The following DMD variants were observed in gnomAD, a reference collection of about 807,000 sequenced individuals.
The protein encoded by DMD is mutant dystrophin.
A neutral mutation model predicts 330.1 loss-of-function variants in DMD; 63 were observed. The ratio of observed to expected loss-of-function variants is 0.19; its 90% CI spans 0.16 to 0.24. The LOEUF (loss-of-function observed/expected upper bound fraction) is 0.24, where lower values mean the gene tolerates loss of function less well. Among genes scored for constraint, DMD ranks in the 10% least tolerant of loss-of-function variants. DMD has a pLI of 1.00. For missense variants in DMD, 3,344 were observed against 2,684.1 expected (o/e 1.25, Z -5.43); for synonymous variants, 1,223 against 959.8 (o/e 1.27, Z -5.07).
At chrX:32,485,489 A>G (rs931995395) in intron 20 of DMD, among the ~76,000 whole-genome samples, 1 of 110,605 alleles carries the variant, frequency 9.0e-6, no homozygotes, top group Non-Finnish European at 1.9e-5. Context: ...AAGCTCACTC[A>G]ATGAACAATA....
chrX:32,041,722 CATT>C (rs989134930), intron 44 of DMD, among the ~76,000 whole-genome samples: 2 of 110,265 alleles, frequency 1.8e-5, no homozygotes, highest in Non-Finnish European at 3.8e-5. Flanking sequence ...CTACATTCAT[CATT>C]GTCTCACTAT....
intron 54 of DMD, among the ~76,000 whole-genome samples, chrX:31,653,181 T>C (rs758810409): frequency 2.1e-4 from 23 of 111,285 alleles, no homozygotes; most frequent in Middle Eastern, 4.6e-3. Flanking sequence ...AAGAGTGACT[T>C]ACAAGTGCCT....
Position 33,050,279 on chromosome X carries a change from G to A in DMD, c.32-30079C>T, listed in dbSNP as rs746124894. Among the ~76,000 whole-genome samples, 17 of 111,635 alleles carry A rather than the reference G, an allele frequency of 1.5e-4. No individual in the cohort carries two copies. In the South Asian group the frequency reaches 6.3e-3, roughly 42 times the overall value. On this transcript the variant is annotated intron_variant, in intron 1 of 78. Transcript: ENST00000357033. ...AATAATAAGTTCTCTATGCTGCCTT[G>A]CTTTGATAGAATATTCAGACAACAT... is the stretch of plus-strand genomic sequence containing the variant.
intron 28 of DMD, 53 bp downstream of exon 28, chrX:32,441,127 C>T: frequency 1.7e-6 from 2 of 1,159,366 alleles, no homozygotes; most frequent in South Asian, 1.8e-5. Context: ...GGTACTTGAC[C>T]TCTTTTAATA....
chrX:32,231,454 A>G (rs896825192), intron 43 of DMD, among the ~76,000 whole-genome samples: 2 of 111,907 alleles, frequency 1.8e-5, no homozygotes, highest in Non-Finnish European at 3.8e-5. Flanking sequence ...ACCACTTGAG[A>G]TCAGCTTACG....
At chrX:32,127,162 G>C (rs2096665466) in intron 44 of DMD, among the ~76,000 whole-genome samples, 1 of 111,492 alleles carries the variant, frequency 9.0e-6, no homozygotes, top group Admixed American at 9.6e-5. Flanking sequence ...ATGTCCCTAG[G>C]ATGACCCTAG....
chrX:31,731,830 T>C (rs1427229475), intron 51 of DMD, among the ~76,000 whole-genome samples: 1 of 111,791 alleles, frequency 8.9e-6, no homozygotes, highest in Admixed American at 9.6e-5. Context: ...GCTATACTTT[T>C]TTCCTTCTTT....
chrX:32,887,391 A>G (rs1314894483), intron 2 of DMD, among the ~76,000 whole-genome samples: 1 of 110,286 alleles, frequency 9.1e-6, no homozygotes, highest in East Asian at 2.9e-4. Context: ...CTTATCTGTT[A>G]TATACAAGAA....
At chrX:32,583,653 C>T (rs781347437) in intron 13 of DMD, 3 of 111,396 alleles carry the variant, frequency 2.7e-5, no homozygotes, top group Non-Finnish European at 5.7e-5. Context: ...CTAATATTTT[C>T]GTCAAAGATG....
At chrX:31,213,560 A>G (rs757469748) in intron 64 of DMD, among the ~76,000 whole-genome samples, 55 of 112,144 alleles carry the variant, frequency 4.9e-4, no homozygotes, top group African/African-American at 1.8e-3. Flanking sequence ...TCTTGCAGAC[A>G]GAGGGCAATT....
chrX:31,262,212 G>A (rs2050592409), intron 62 of DMD, among the ~76,000 whole-genome samples: 1 of 112,133 alleles, frequency 8.9e-6, no homozygotes, highest in African/African-American at 3.2e-5. Flanking sequence ...ATATGTGGTC[G>A]CTTTTGGTAT....
intron 1 of DMD, among the ~76,000 whole-genome samples, chrX:33,024,917 C>T (rs2093969939): frequency 9.0e-6 from 1 of 111,585 alleles, no homozygotes; most frequent in South Asian, 3.7e-4. Flanking sequence ...ATAATGAGAT[C>T]ATTTACTCGT....
chrX:33,136,679 AGAAGGCACCATCTGT>A (rs1266757502), intron 1 of DMD, among the ~76,000 whole-genome samples: 1 of 110,850 alleles, frequency 9.0e-6, no homozygotes, highest in East Asian at 2.9e-4. Flanking sequence ...GGGTAAAGGA[AGAAGGCACCATCTGT>A]GAAGCAGACA....
chrX:32,552,877 A>G (rs145115042), intron 16 of DMD, among the ~76,000 whole-genome samples: 1,511 of 111,920 alleles, frequency 0.014, 26 homozygotes, highest in African/African-American at 0.047. Flanking sequence ...ACCATTTGAC[A>G]CCAGTGAGAA....
At chrX:31,142,919 C>G (rs1162730282) in intron 76 of DMD, among the ~76,000 whole-genome samples, 1 of 111,970 alleles carries the variant, frequency 8.9e-6, no homozygotes, top group Non-Finnish European at 1.9e-5. Flanking sequence ...TATGTTGACT[C>G]TTTAGACACA....
intron 64 of DMD, among the ~76,000 whole-genome samples, chrX:31,219,678 C>A (rs2045777847): frequency 9.1e-6 from 1 of 110,320 alleles, no homozygotes; most frequent in Non-Finnish European, 1.9e-5. Context: ...TTTATCATCT[C>A]CTCTTGGGCC....
chrX:31,352,898 A>C (rs141723784), intron 60 of DMD, among the ~76,000 whole-genome samples: 1,626 of 111,650 alleles, frequency 0.015, 30 homozygotes, highest in African/African-American at 0.05. Context: ...GAAATTTGAT[A>C]ATCTATTAAA....
rs1489474448 is a variant in DMD at position 32,335,606 on chromosome X, T to C, written c.5922+6494A>G. On this transcript the variant is annotated intron_variant, in intron 41 of 78. Transcript: ENST00000357033. ...ACATGTGTATGTTATATATAAAACA[T>C]TATAAAACAAACATGTTATATACAT... Among the ~76,000 whole-genome samples, 5 of 20,650 alleles carry C rather than the reference T, an allele frequency of 2.4e-4. No individual in the cohort carries two copies. In the East Asian group the frequency reaches 7.1e-3, roughly 29 times the overall value. 17.9% of individuals were successfully genotyped at this position (20,650 alleles called of 115,157 possible).
chrX:31,315,539 T>C (rs947184935), intron 62 of DMD, among the ~76,000 whole-genome samples: 1 of 112,212 alleles, frequency 8.9e-6, no homozygotes, highest in African/African-American at 3.2e-5. Flanking sequence ...AAAAAGAAAA[T>C]GGGGAAATAG....
Sources: gnomAD v4.1 joint callset for allele counts (sites outside exome capture counted in the v4.1 genomes callset) on GRCh38, gnomAD v4.1.1 for gene constraint, MANE v1.5 for transcripts, NCBI Gene and HGNC (gene_info 2026-07-23, HGNC 2026-07-21) for gene names.